REDIC1: variants seen among roughly 807,000 people sequenced by gnomAD.
REDIC1 encodes the protein HEI10 Interacting Protein 1.
the REDIC1 span, among the ~76,000 whole-genome samples, chr12:39,804,541 G>A: frequency 2.0e-5 from 3 of 152,018 alleles, no homozygotes; most frequent in Non-Finnish European, 4.4e-5. Flanking sequence ...TGATTTCTTA[G>A]CTTGTAGCTT....
At chr12:39,703,703 G>A in the REDIC1 span, among the ~76,000 whole-genome samples, 10 of 152,078 alleles carry the variant, frequency 6.6e-5, no homozygotes, top group African/African-American at 2.4e-4. Context: ...CAGTCACCAA[G>A]ACAGCATGGT....
chr12:39,812,839 T>G, the REDIC1 span, among the ~76,000 whole-genome samples: 1 of 144,136 alleles, frequency 6.9e-6, no homozygotes, highest in East Asian at 2.0e-4. Flanking sequence ...TATTACCTTT[T>G]TTTTTTTTTT....
chr12:39,710,894 T>G, the REDIC1 span, among the ~76,000 whole-genome samples: 7 of 151,332 alleles, frequency 4.6e-5, no homozygotes, highest in Non-Finnish European at 7.4e-5. Context: ...TCAGTATTCT[T>G]TTTTTTTAAT....
the REDIC1 span, among the ~76,000 whole-genome samples, chr12:39,880,809 C>A: frequency 0.011 from 1,607 of 152,302 alleles, 24 homozygotes; most frequent in African/African-American, 0.035. Flanking sequence ...TGTCTCACCT[C>A]GCTCAGCCAC....
At chr12:39,738,151 A>G in the REDIC1 span, among the ~76,000 whole-genome samples, 1 of 152,198 alleles carries the variant, frequency 6.6e-6, no homozygotes, top group African/African-American at 2.4e-5. Context: ...AGAATTTGAC[A>G]TTTTAAATAT....
At chr12:39,763,371 G>A in the REDIC1 span, among the ~76,000 whole-genome samples, 1 of 152,052 alleles carries the variant, frequency 6.6e-6, no homozygotes, top group Non-Finnish European at 1.5e-5. Flanking sequence ...AAGAGATGGG[G>A]AATAGATTTT....
chr12:39,771,409 T>C, the REDIC1 span, among the ~76,000 whole-genome samples: 1 of 152,172 alleles, frequency 6.6e-6, no homozygotes, highest in African/African-American at 2.4e-5. Context: ...AGGATGCCTA[T>C]GCTGGGAGAT....
At chr12:39,768,691 G>T in the REDIC1 span, among the ~76,000 whole-genome samples, 1 of 151,972 alleles carries the variant, frequency 6.6e-6, no homozygotes. Flanking sequence ...GGTGCAGTTT[G>T]TGATGCCCGA....
chr12:39,777,100 G>A, the REDIC1 span, among the ~76,000 whole-genome samples: 36 of 152,182 alleles, frequency 2.4e-4, no homozygotes, highest in East Asian at 4.1e-3. Context: ...CGGAATCTGC[G>A]TCCTTGTCAC....
chr12:39,779,658 CAT>C, the REDIC1 span, among the ~76,000 whole-genome samples: 1 of 152,136 alleles, frequency 6.6e-6, no homozygotes, highest in East Asian at 1.9e-4. Flanking sequence ...TCAGAGAAGA[CAT>C]ATATTTGCTG....
chr12:39,686,820 A>G, the REDIC1 span, among the ~76,000 whole-genome samples: 1 of 152,202 alleles, frequency 6.6e-6, no homozygotes, highest in Non-Finnish European at 1.5e-5. Flanking sequence ...TTGCTCACAC[A>G]TATGAACATA....
the REDIC1 span, chr12:39,716,808 A>G: frequency 1.2e-6 from 2 of 1,601,678 alleles, no homozygotes; most frequent in Non-Finnish European, 1.7e-6. Flanking sequence ...CAAGACCAAC[A>G]GACAGCTGTT....
the REDIC1 span, among the ~76,000 whole-genome samples, chr12:39,649,291 T>C: frequency 5.9e-5 from 9 of 151,818 alleles, no homozygotes; most frequent in East Asian, 1.7e-3. Context: ...TCAAAAAAAG[T>C]GAAAATGATT....
At chr12:39,761,157 G>A in the REDIC1 span, among the ~76,000 whole-genome samples, 1 of 151,958 alleles carries the variant, frequency 6.6e-6, no homozygotes, top group African/African-American at 2.4e-5. Context: ...ATATCAGACT[G>A]GGAGTGGGAA....
the REDIC1 span, among the ~76,000 whole-genome samples, chr12:39,898,281 C>T: frequency 4.6e-5 from 7 of 152,144 alleles, no homozygotes; most frequent in South Asian, 2.1e-4. Context: ...GAAACTCTTT[C>T]GAAAATATAA....
the REDIC1 span, among the ~76,000 whole-genome samples, chr12:39,895,760 GTACACACATGTATATGCGTGTATA>G: frequency 2.8e-5 from 1 of 36,094 alleles, no homozygotes; most frequent in African/African-American, 8.8e-5. Context: ...GCGTGTATAC[GTACACACATGTATATGCGTGTATA>G]CGTACACACA....
At chr12:39,860,339 T>C in the REDIC1 span, among the ~76,000 whole-genome samples, 1 of 152,244 alleles carries the variant, frequency 6.6e-6, no homozygotes. Flanking sequence ...GGAGAGATAC[T>C]GCCCAATTGA....
At chr12:39,887,006 T>C in the REDIC1 span, among the ~76,000 whole-genome samples, 5 of 152,304 alleles carry the variant, frequency 3.3e-5, no homozygotes, top group East Asian at 3.9e-4. Context: ...TTTTAGGGTA[T>C]AATTAACTCA....
chr12:39,660,814 C>G, the REDIC1 span, among the ~76,000 whole-genome samples: 1 of 152,144 alleles, frequency 6.6e-6, no homozygotes, highest in Non-Finnish European at 1.5e-5. Flanking sequence ...TCCCTTCCCT[C>G]TGCACACATA....
Sources: gnomAD v4.1 joint callset for allele counts (sites outside exome capture counted in the v4.1 genomes callset) on GRCh38, gnomAD v4.1.1 for gene constraint, MANE v1.5 for transcripts, NCBI Gene and HGNC (gene_info 2026-07-23, HGNC 2026-07-21) for gene names.